WWC2: variants seen among roughly 807,000 people sequenced by gnomAD.
The protein encoded by WWC2 is WW and C2 domain containing 2, also known as protein WWC2.
In WWC2, 101 loss-of-function variants were observed where a neutral mutation model predicts 138.5. That is an observed-to-expected ratio of 0.73 (90% confidence interval 0.62 to 0.86). The LOEUF is 0.86. WWC2 is among the 40% of genes least tolerant of loss of function. The pLI, the probability that WWC2 is intolerant of heterozygous loss-of-function variation, is 0.00. For synonymous variants in WWC2, 558 were observed against 538.4 expected, an observed-to-expected ratio of 1.04 and a Z score of -0.50; for missense variants, 1,420 against 1,419.4, an observed-to-expected ratio of 1.00 and a Z score of -0.01.
chr4:183,166,750 A>G (rs1277492014), intron 1 of WWC2, among the ~76,000 whole-genome samples: 9 of 152,348 alleles, frequency 5.9e-5, no homozygotes, highest in South Asian at 2.1e-4. Flanking sequence ...GGTGTCTAGA[A>G]TATATAACTA....
chr4:183,182,797 A>G (rs1734672360), intron 1 of WWC2, among the ~76,000 whole-genome samples: 1 of 152,248 alleles, frequency 6.6e-6, no homozygotes, highest in East Asian at 1.9e-4. Context: ...CAGGAAACAT[A>G]TGTATCAACT....
At chr4:183,118,366 C>G (rs1732493644) in intron 1 of WWC2, among the ~76,000 whole-genome samples, 1 of 152,152 alleles carries the variant, frequency 6.6e-6, no homozygotes. Flanking sequence ...TTCATTTGTA[C>G]ATTCCTTATC....
At chr4:183,124,266 A>G (rs1732690400) in intron 1 of WWC2, among the ~76,000 whole-genome samples, 1 of 151,996 alleles carries the variant, frequency 6.6e-6, no homozygotes, top group Non-Finnish European at 1.5e-5. Flanking sequence ...TTTCAAATTT[A>G]TTGGACAGGA....
At chr4:183,186,919 T>G (rs7664963) in intron 1 of WWC2, among the ~76,000 whole-genome samples, 140,724 of 152,202 alleles carry the variant, frequency 0.92, 66,066 homozygotes, top group Non-Finnish European at 1. Context: ...AGACATAACA[T>G]GAACTAATCT....
chr4:183,143,194 G>T (rs1733353600), intron 1 of WWC2, among the ~76,000 whole-genome samples: 1 of 152,088 alleles, frequency 6.6e-6, no homozygotes, highest in South Asian at 2.1e-4. Flanking sequence ...TCAATAATGG[G>T]TGTAGGTGAC....
chr4:183,228,471 T>C (rs1467713580), intron 4 of WWC2, among the ~76,000 whole-genome samples: 1 of 151,902 alleles, frequency 6.6e-6, no homozygotes, highest in Non-Finnish European at 1.5e-5. Context: ...TGGGGAAAAA[T>C]GGGAAGCAAA....
At position 183,112,134 on chromosome 4, in the gene WWC2, C is replaced by T. The variant is rs1041650422; in HGVS notation, c.131+12512C>T. Among the ~76,000 whole-genome samples the T allele has an allele frequency of 2.0e-5, 3 of 152,184 alleles. No homozygotes were observed. In the East Asian group the frequency reaches 5.8e-4, roughly 29 times the overall value. The stretch of plus-strand genomic sequence containing the variant: ...AGAATGTTTAACATAACATCAGTGC[C>T]CTGGTTTGCTATTGTAGATTGAAAG... On this transcript the variant is annotated intron_variant, in intron 1 of 22. Coordinates refer to ENST00000403733, the MANE Select transcript of WWC2 (RefSeq NM_024949.6).
At chr4:183,269,499 G>A (rs1737629461) in intron 15 of WWC2, 1 of 502,430 alleles carries the variant, frequency 2.0e-6, no homozygotes. Context: ...TTGCGTGACT[G>A]CTGTGTATAT....
intron 21 of WWC2, 76 bp from the exon 22 acceptor site, chr4:183,312,265 G>GAAC (rs1184873620): frequency 4.5e-6 from 7 of 1,572,026 alleles, no homozygotes; most frequent in Non-Finnish European, 5.2e-6. Flanking sequence ...CACAATCTTT[G>GAAC]AAGCTTCATA....
intron 1 of WWC2, among the ~76,000 whole-genome samples, chr4:183,114,560 G>T (rs1732350464): frequency 6.6e-6 from 1 of 152,146 alleles, no homozygotes. Context: ...GAGATTACTG[G>T]AAGAGAGGAA....
At position 183,248,873 on chromosome 4, in the gene WWC2, T is replaced by C. The variant is rs1320242018; in HGVS notation, c.879+13T>C. On this transcript the variant is annotated intron_variant, in intron 7 of 22. Transcript: ENST00000403733. ...CATTTCCGGAGATGTAAGTTATCTG[T>C]GCTGAAGAGTTGGCCCAGTGTTGTC... 6.4e-7 allele frequency: 1 copy of C among 1,568,836 alleles called. No individual in the cohort carries two copies. Among genetic ancestry groups the C allele is most frequent in the African/African-American group, 1.3e-5 (1 of 74,620 alleles).
chr4:183,272,486 GT>G (rs1183926872), intron 16 of WWC2, among the ~76,000 whole-genome samples: 1 of 152,212 alleles, frequency 6.6e-6, no homozygotes, highest in Non-Finnish European at 1.5e-5. Flanking sequence ...ACCCAACCCA[GT>G]GGTTTTTAGG....
intron 1 of WWC2, among the ~76,000 whole-genome samples, chr4:183,112,589 AC>A (rs1297555002): frequency 6.6e-6 from 1 of 152,256 alleles, no homozygotes; most frequent in African/African-American, 2.4e-5. Flanking sequence ...TATTGGAAAC[AC>A]TATATGCCTA....
intron 8 of WWC2, among the ~76,000 whole-genome samples, chr4:183,251,574 A>G (rs1434802583): frequency 6.6e-6 from 1 of 152,188 alleles, no homozygotes; most frequent in Non-Finnish European, 1.5e-5. Flanking sequence ...CACTCCTTCT[A>G]AAATAAAATT....
At chr4:183,118,138 C>T (rs540996435) in intron 1 of WWC2, among the ~76,000 whole-genome samples, 2 of 152,254 alleles carry the variant, frequency 1.3e-5, no homozygotes, top group Non-Finnish European at 1.5e-5. Flanking sequence ...TATAGTCGAG[C>T]CTCAGTCTTA....
chr4:183,271,199 T>C lies in WWC2; in HGVS notation c.2520T>C (p.Ser840=), dbSNP rs769994604. The change falls in exon 16 of 23, where the codon TCT becomes TCC. Residue 840 remains serine (S), a synonymous_variant. Transcript: ENST00000403733. Reference sequence around the variant, plus strand: ...AAAAGAATGAAGAAAATGAGGACTCTGTATTTCAACCAAACCAGCCGTTAG... The same window carrying C: ...AAAAGAATGAAGAAAATGAGGACTCCGTATTTCAACCAAACCAGCCGTTAG... The part of the protein sequence containing the change: ...PCKKNEENED[S]VFQPNQPLVD... 10 of 1,613,052 alleles carry C rather than the reference T, an allele frequency of 6.2e-6. No homozygotes were observed. The South Asian group carries it at 1.1e-4, about 18-fold the overall frequency.
rs896517193 is a variant in WWC2, at chr4:183,099,320, G to C, written c.-172G>C. On this transcript the variant is annotated 5_prime_UTR_variant, in exon 1 of 23. Coordinates refer to ENST00000403733, the MANE Select transcript of WWC2 (RefSeq NM_024949.6). ...GATCCGCAGCGGGGCCGCGAACAGC[G>C]TTTCCTGAGGCACCTCCCGCGCGTG... The C allele has an allele frequency of 3.3e-5, 18 of 537,868 alleles. No homozygotes were observed. Among genetic ancestry groups the C allele is most frequent in the Non-Finnish European group, 4.6e-5 (18 of 388,920 alleles). 33.3% of individuals were successfully genotyped at this position (537,868 alleles called of 1,614,324 possible).
intron 5 of WWC2, among the ~76,000 whole-genome samples, chr4:183,242,287 G>A (rs1736647554): frequency 6.6e-6 from 1 of 152,152 alleles, no homozygotes; most frequent in Non-Finnish European, 1.5e-5. Context: ...TGGCATGACA[G>A]AAAATATATT....
chr4:183,119,333 T>C (rs1403962589), intron 1 of WWC2, among the ~76,000 whole-genome samples: 1 of 152,188 alleles, frequency 6.6e-6, no homozygotes, highest in Non-Finnish European at 1.5e-5. Flanking sequence ...TAAGGATATA[T>C]AGTGATAATG....
Sources: gnomAD v4.1 joint callset for allele counts (sites outside exome capture counted in the v4.1 genomes callset) on GRCh38, gnomAD v4.1.1 for gene constraint, MANE v1.5 for transcripts, NCBI Gene and HGNC (gene_info 2026-07-23, HGNC 2026-07-21) for gene names.